Variants in WDR72 observed in about 807,000 individuals in gnomAD.
WDR72 encodes WD repeat domain 72.
A neutral mutation model predicts 124.2 loss-of-function variants in WDR72; 120 were observed. The observed-to-expected ratio is 0.97, with a 90% CI of 0.83 to 1.12. The LOEUF (loss-of-function observed/expected upper bound fraction) is 1.12. WDR72 is among the 50% of genes most tolerant of loss of function. The pLI, the probability that WDR72 is intolerant of heterozygous loss-of-function variation, is 0.00. For missense variants in WDR72, 1,387 were observed against 1,278.8 expected (o/e 1.08, Z -1.29); for synonymous variants, 452 against 441.7 (o/e 1.02, Z -0.29).
intron 1 of WDR72, among the ~76,000 whole-genome samples, chr15:53,744,138 T>C (rs753825596): frequency 6.6e-6 from 1 of 152,204 alleles, no homozygotes; most frequent in Non-Finnish European, 1.5e-5. Flanking sequence ...TCTATTGTGA[T>C]ACAAATCAGC....
intron 1 of WDR72, among the ~76,000 whole-genome samples, chr15:53,749,502 C>T (rs2140892969): frequency 6.6e-6 from 1 of 152,200 alleles, no homozygotes; most frequent in East Asian, 1.9e-4. Context: ...TCTCTGTTCC[C>T]TGAAACAAAA....
At chr15:53,529,164 A>ATTTTTTTTTT (rs1221581823) in intron 18 of WDR72, among the ~76,000 whole-genome samples, 5 of 78,164 alleles carry the variant, frequency 6.4e-5, no homozygotes, top group African/African-American at 2.0e-4. Context: ...ATATATATAT[A>ATTTTTTTTTT]TTTTTTTTTT....
intron 14 of WDR72, among the ~76,000 whole-genome samples, chr15:53,634,764 C>T (rs2014562807): frequency 6.6e-6 from 1 of 152,202 alleles, no homozygotes; most frequent in Admixed American, 6.5e-5. Context: ...TCTTGTCTCA[C>T]CAAGGAACAA....
At chr15:53,704,279 T>C (rs1273690649) in intron 11 of WDR72, among the ~76,000 whole-genome samples, 8 of 152,214 alleles carry the variant, frequency 5.3e-5, no homozygotes, top group Non-Finnish European at 8.8e-5. Flanking sequence ...CTCCACAATA[T>C]TTTAATTAGA....
intron 18 of WDR72, among the ~76,000 whole-genome samples, chr15:53,532,592 A>G (rs533318540): frequency 6.8e-6 from 1 of 146,044 alleles, no homozygotes; most frequent in South Asian, 2.3e-4. Flanking sequence ...CTAAGAAAAT[A>G]TTGAACTCTT....
intron 14 of WDR72, among the ~76,000 whole-genome samples, chr15:53,623,849 T>C (rs1044975230): frequency 6.6e-6 from 1 of 152,182 alleles, no homozygotes; most frequent in African/African-American, 2.4e-5. Flanking sequence ...CCAGCATCCA[T>C]TGTTTTTTGA....
At chr15:53,545,195 G>T (rs1168940912) in intron 18 of WDR72, among the ~76,000 whole-genome samples, 1 of 151,508 alleles carries the variant, frequency 6.6e-6, no homozygotes, top group East Asian at 1.9e-4. Context: ...AAAAGAGCCC[G>T]CATCGCCACG....
chr15:53,590,046 T>C (rs1230704063), intron 18 of WDR72, among the ~76,000 whole-genome samples: 1 of 152,090 alleles, frequency 6.6e-6, no homozygotes, highest in Non-Finnish European at 1.5e-5. Flanking sequence ...CAATGCTTTT[T>C]GAAAAGTAGG....
chr15:53,579,806 C>T (rs1261389038), intron 18 of WDR72, among the ~76,000 whole-genome samples: 1 of 152,048 alleles, frequency 6.6e-6, no homozygotes, highest in Non-Finnish European at 1.5e-5. Context: ...TAACACCCCT[C>T]CTGTCCCCTA....
intron 18 of WDR72, among the ~76,000 whole-genome samples, chr15:53,528,172 T>C (rs781689984): frequency 4.6e-5 from 7 of 152,056 alleles, no homozygotes; most frequent in Non-Finnish European, 8.8e-5. Context: ...AGTTTACAAG[T>C]GGCATCTCTC....
intron 18 of WDR72, among the ~76,000 whole-genome samples, chr15:53,545,124 G>T (rs1335777902): frequency 6.7e-6 from 1 of 149,424 alleles, no homozygotes; most frequent in Non-Finnish European, 1.5e-5. Context: ...TCCCCATAAA[G>T]CTACCAACGA....
intron 18 of WDR72, among the ~76,000 whole-genome samples, chr15:53,571,904 A>G (rs1894542611): frequency 6.6e-6 from 1 of 151,980 alleles, no homozygotes; most frequent in Admixed American, 6.6e-5. Flanking sequence ...TTTTTATAAT[A>G]GCCATTCTAA....
intron 4 of WDR72, among the ~76,000 whole-genome samples, chr15:53,716,139 T>G (rs531902734): frequency 1.7e-3 from 255 of 152,262 alleles, no homozygotes; most frequent in Non-Finnish European, 3.1e-3. Context: ...TTGGAAACCA[T>G]CTACTAAAAG....
chr15:53,726,172 G>T (rs543999257), intron 2 of WDR72, among the ~76,000 whole-genome samples: 11 of 117,558 alleles, frequency 9.4e-5, no homozygotes, highest in African/African-American at 2.8e-4. Flanking sequence ...AAGTTAATTG[G>T]TTGTAATATA....
At chr15:53,648,776 T>G (rs1471388307) in intron 14 of WDR72, among the ~76,000 whole-genome samples, 1 of 151,972 alleles carries the variant, frequency 6.6e-6, no homozygotes, top group Non-Finnish European at 1.5e-5. Flanking sequence ...TATATAAAAT[T>G]TATGAAATGT....
At chr15:53,750,818 G>A (rs1683838925) in intron 1 of WDR72, among the ~76,000 whole-genome samples, 1 of 152,136 alleles carries the variant, frequency 6.6e-6, no homozygotes, top group African/African-American at 2.4e-5. Flanking sequence ...GAAATAGCAA[G>A]AGAACTAGAA....
At chr15:53,655,395 A>G (rs561135001) in intron 14 of WDR72, among the ~76,000 whole-genome samples, 211 of 152,296 alleles carry the variant, frequency 1.4e-3, no homozygotes, top group Middle Eastern at 0.01. Context: ...AAAGTTCAAG[A>G]TTCAGGTATC....
chr15:53,710,076 G>A (rs1468265491), intron 9 of WDR72, among the ~76,000 whole-genome samples: 1 of 152,188 alleles, frequency 6.6e-6, no homozygotes, highest in African/African-American at 2.4e-5. Flanking sequence ...TAGAATGTCA[G>A]AGGTATGATT....
chr15:53,626,952 A>C (rs2014236061), intron 14 of WDR72, among the ~76,000 whole-genome samples: 1 of 152,224 alleles, frequency 6.6e-6, no homozygotes, highest in African/African-American at 2.4e-5. Context: ...CACTTAATAT[A>C]AATATTTAAA....
Sources: gnomAD v4.1 joint callset for allele counts (sites outside exome capture counted in the v4.1 genomes callset) on GRCh38, gnomAD v4.1.1 for gene constraint, MANE v1.5 for transcripts, NCBI Gene and HGNC (gene_info 2026-07-23, HGNC 2026-07-21) for gene names.